MED13: variants seen among roughly 807,000 people sequenced by gnomAD.
MED13 encodes the protein mediator of RNA polymerase II transcription subunit 13.
In MED13, 23 loss-of-function variants were observed where a neutral mutation model predicts 225.2. That is an observed-to-expected ratio of 0.10 (90% confidence interval 0.07 to 0.14). The LOEUF (loss-of-function observed/expected upper bound fraction) is 0.14. Among genes scored for constraint, MED13 ranks in the 10% least tolerant of loss-of-function variants. MED13 has a pLI of 1.00. For missense variants in MED13, 2,197 were observed against 2,594.5 expected (o/e 0.85, Z 3.33); for synonymous variants, 942 against 889.2 (o/e 1.06, Z -1.06).
intron 3 of MED13, among the ~76,000 whole-genome samples, chr17:62,037,541 C>T (rs1169255071): frequency 6.6e-6 from 1 of 151,050 alleles, no homozygotes; most frequent in Non-Finnish European, 1.5e-5. Flanking sequence ...GTGGTATGCG[C>T]CTGTAATCCC....
rs774731859 is a variant in MED13 at position 61,956,320 on chromosome 17, A to G, written c.5623+19T>C. ...TACATAAAACGGAAATATAAATACT[A>G]ATAAAAGCACAATTTTACCTTTCAA... On this transcript the variant is annotated intron_variant, in intron 24 of 29. Coordinates refer to ENST00000397786, the MANE Select transcript of MED13 (RefSeq NM_005121.3). The G allele has an allele frequency of 2.0e-5, 32 of 1,602,154 alleles. No individual in the cohort carries two copies. The highest frequency in any genetic ancestry group is 1.7e-4 in the Middle Eastern group (1 of 6,016).
At position 62,029,239 on chromosome 17, in the gene MED13, T is replaced by C. The variant is rs1011080902; in HGVS notation, c.1283+302A>G. On this transcript the variant is annotated intron_variant, in intron 8 of 29. Transcript: ENST00000397786. ...GAATGCTTTTCTCAAGAGATTTATA[T>C]GGCTGTATAGCTTATAGATACTATA... 140 of 266,844 alleles carry C rather than the reference T, an allele frequency of 5.2e-4. 1 individual carries two copies. Among genetic ancestry groups the C allele is most frequent in the South Asian group, 1.6e-4 (1 of 6,428 alleles). 16.5% of individuals were successfully genotyped at this position (266,844 alleles called of 1,614,324 possible).
At chr17:62,038,822 C>T (rs1379622156) in intron 3 of MED13, among the ~76,000 whole-genome samples, 2 of 148,772 alleles carry the variant, frequency 1.3e-5, no homozygotes, top group East Asian at 3.9e-4. Flanking sequence ...CGCTACCACA[C>T]CCAGCTAATT....
chr17:61,944,135 T>A lies in MED13; in HGVS notation c.*2333A>T, dbSNP rs2079834936. The A allele has an allele frequency of 6.6e-6, 1 of 152,618 alleles. No homozygotes were observed. The allele number at this position is 152,618 out of a possible 1,614,324, so 9.5% of individuals were successfully genotyped here. ...TGTATATTTGGGAACTATTCCCTGA[T>A]TCCCAAATAAAAAATAATTGTGTAC... On this transcript the variant is annotated 3_prime_UTR_variant, in exon 30 of 30. Coordinates refer to ENST00000397786, the MANE Select transcript of MED13 (RefSeq NM_005121.3).
chr17:61,962,703 C>A (rs967301345), intron 21 of MED13, 49 bp downstream of exon 21: 3 of 1,531,472 alleles, frequency 2.0e-6, no homozygotes, highest in Non-Finnish European at 2.7e-6. Context: ...CTTCTGACAA[C>A]ATTAAACTGT....
At chr17:62,055,926 T>G (rs1159931725) in intron 2 of MED13, among the ~76,000 whole-genome samples, 2 of 152,224 alleles carry the variant, frequency 1.3e-5, no homozygotes, top group Non-Finnish European at 2.9e-5. Flanking sequence ...GGGCATCTTA[T>G]GTCCCCAGTG....
In MED13 at chr17:61,995,271, C is replaced by T. The variant is rs568573606; in HGVS notation, c.2062G>A (p.Asp688Asn). 1 of 1,613,724 alleles carries T rather than the reference C, an allele frequency of 6.2e-7. No individual in the cohort carries two copies. Among genetic ancestry groups the T allele is most frequent in the Admixed American group, 1.7e-5 (1 of 60,010 alleles). Reference protein sequence around the residue: ...KNQCLSAIASDAEQEPKIDPY... With the variant: ...KNQCLSAIASNAEQEPKIDPY... ...TCAATTTTAGGTTCTTGTTCTGCAT[C>T]AGATGCTATTGCTGAAAGACACTGG... is the stretch of plus-strand genomic sequence containing the variant. Residue 688 changes from aspartate to asparagine, a missense_variant, in exon 10 of 30, where the codon GAT (aspartate) becomes AAT (asparagine). This residue lies in a region of MED13 where 884 missense variants were observed against 918.5 expected (regional missense o/e 0.96). Transcript: ENST00000397786.
chr17:61,965,294 C>A lies in MED13; in HGVS notation c.4556G>T (p.Gly1519Val). 1 of 1,614,188 alleles carries A rather than the reference C, an allele frequency of 6.2e-7. No homozygotes were observed. The highest frequency in any genetic ancestry group is 8.5e-7 in the Non-Finnish European group (1 of 1,180,036). ...GGCAACTGAAGTAGATATGGCAACA[C>A]CTGAAGTCACTGTCATAGTGCTGCT... ...AASSTMTVTS[G>V]VAISTSVATA... The change falls in exon 20 of 30, where the codon GGT becomes GTT. Residue 1519 changes from glycine to valine, a missense_variant. By Grantham distance (109) the Gly-to-Val change is moderately radical (BLOSUM62 -3). Around this residue, in one of 12 missense-constraint regions of MED13, gnomAD observed 457 missense variants for 442.2 expected, o/e 1.03. Transcript: ENST00000397786.
At chr17:62,060,015 G>C (rs1256721375) in intron 2 of MED13, among the ~76,000 whole-genome samples, 1 of 152,120 alleles carries the variant, frequency 6.6e-6, no homozygotes, top group Non-Finnish European at 1.5e-5. Context: ...TTTACGGCCA[G>C]GTGCAGTGAC....
At chr17:62,016,045 C>T (rs2080576863) in intron 8 of MED13, among the ~76,000 whole-genome samples, 1 of 124,158 alleles carries the variant, frequency 8.1e-6, no homozygotes, top group Non-Finnish European at 1.7e-5. Flanking sequence ...CTCAAGTGAT[C>T]TACCCACTTC....
chr17:62,052,709 A>G lies in MED13; in HGVS notation c.302-4T>C. The G allele has an allele frequency of 1.3e-6, 2 of 1,556,558 alleles. No individual in the cohort carries two copies. The highest frequency in any genetic ancestry group is 2.3e-5 in the East Asian group (1 of 43,960). ...TCCCACACTCCATCTTCTTCTTCTA[A>G]AAGAGAAATGAAGGAAATAATAAAA... On this transcript the variant is annotated splice_region_variant and splice_polypyrimidine_tract_variant and intron_variant, in intron 2 of 29. Transcript: ENST00000397786.
chr17:62,058,827 A>AGT (rs776928188), intron 2 of MED13, among the ~76,000 whole-genome samples: 101 of 152,342 alleles, frequency 6.6e-4, no homozygotes, highest in Non-Finnish European at 1.0e-3. Context: ...TACTGCTACA[A>AGT]AATGAGTAAC....
chr17:62,048,930 T>C (rs1264604410), intron 3 of MED13, among the ~76,000 whole-genome samples: 1 of 151,900 alleles, frequency 6.6e-6, no homozygotes, highest in Non-Finnish European at 1.5e-5. Context: ...AACTATCAAT[T>C]ATAAGGATAG....
At chr17:61,974,120 C>T (rs2080132962) in intron 16 of MED13, among the ~76,000 whole-genome samples, 2 of 152,008 alleles carry the variant, frequency 1.3e-5, no homozygotes, top group Non-Finnish European at 2.9e-5. Context: ...GTTGAAAATG[C>T]TAACGGGCCG....
At chr17:62,016,928 T>C (rs1340398166) in intron 8 of MED13, among the ~76,000 whole-genome samples, 1 of 151,962 alleles carries the variant, frequency 6.6e-6, no homozygotes, top group Non-Finnish European at 1.5e-5. Context: ...GAGAATCACT[T>C]GAACCCAGGA....
chr17:61,972,636 TA>T, intron 17 of MED13, 90 bp downstream of exon 17: 1 of 1,202,094 alleles, frequency 8.3e-7, no homozygotes, highest in Non-Finnish European at 1.2e-6. Context: ...CAAATATATT[TA>T]AAGAAAACTA....
At chr17:61,947,207 T>G (rs1404858177) in intron 28 of MED13, among the ~76,000 whole-genome samples, 190 bp from the exon 29 acceptor site, 2 of 152,054 alleles carry the variant, frequency 1.3e-5, no homozygotes, top group East Asian at 3.8e-4. Flanking sequence ...TTTTTTTTTT[T>G]TTTTAAGTAG....
chr17:62,019,151 T>C (rs915352280), intron 8 of MED13, among the ~76,000 whole-genome samples: 3 of 152,342 alleles, frequency 2.0e-5, no homozygotes, highest in African/African-American at 7.2e-5. Context: ...ATTTTCTTCA[T>C]ATACTTCAAC....
chr17:62,015,925 T>TACACACACAC (rs2080565286), intron 8 of MED13, among the ~76,000 whole-genome samples: 2 of 5,998 alleles, frequency 3.3e-4, no homozygotes, highest in Admixed American at 2.7e-3. Context: ...CATATATATA[T>TACACACACAC]ATATATATAT....
Sources: allele counts gnomAD v4.1 joint callset (sites outside exome capture counted in the v4.1 genomes callset), GRCh38; gene constraint gnomAD v4.1.1; regional missense constraint gnomAD v4.1.1; transcripts MANE v1.5; gene names NCBI Gene and HGNC (gene_info 2026-07-23, HGNC 2026-07-21).